Variants in HMGB1 observed in about 807,000 individuals in gnomAD.
The protein encoded by HMGB1 is high mobility group protein B1.
For synonymous variants in HMGB1, 81 were observed against 84.0 expected, an observed-to-expected ratio of 0.96 and a Z score of 0.19; for missense variants, 79 against 253.5, an observed-to-expected ratio of 0.31 and a Z score of 4.67.
At chr13:30,593,177 T>C (rs112174178) in intron 1 of HMGB1, among the ~76,000 whole-genome samples, 5 of 152,338 alleles carry the variant, frequency 3.3e-5, no homozygotes, top group African/African-American at 7.2e-5. Flanking sequence ...TTTCCCACTT[T>C]GGGCGGAAAG....
At chr13:30,528,130 C>T (rs1454124697) in intron 1 of HMGB1, among the ~76,000 whole-genome samples, 1 of 152,238 alleles carries the variant, frequency 6.6e-6, no homozygotes, top group Non-Finnish European at 1.5e-5. Flanking sequence ...TGCTGCAGCG[C>T]CAGTGACCAG....
chr13:30,557,693 A>G (rs986635316), intron 1 of HMGB1, among the ~76,000 whole-genome samples: 10 of 152,218 alleles, frequency 6.6e-5, no homozygotes, highest in African/African-American at 2.4e-4. Flanking sequence ...GCCGAGACAA[A>G]TGATTTCATT....
intron 1 of HMGB1, among the ~76,000 whole-genome samples, chr13:30,599,319 T>C (rs1043860981): frequency 2.6e-5 from 4 of 152,010 alleles, no homozygotes; most frequent in African/African-American, 9.7e-5. Context: ...AAATACAAAA[T>C]TAGCCATGTG....
intron 1 of HMGB1, among the ~76,000 whole-genome samples, chr13:30,508,350 A>G (rs112036172): frequency 0.084 from 12,737 of 151,952 alleles, 781 homozygotes; most frequent in African/African-American, 0.17. Flanking sequence ...CATCTCTAAT[A>G]AAAATACAAA....
At chr13:30,592,225 T>A (rs1871401679) in intron 1 of HMGB1, among the ~76,000 whole-genome samples, 1 of 152,194 alleles carries the variant, frequency 6.6e-6, no homozygotes, top group Non-Finnish European at 1.5e-5. Flanking sequence ...CTTGAATTTC[T>A]GTTATCTAGG....
Position 30,456,772 on chromosome 13 carries a change from G to GGGGGGGGGGGGGGGGCAATT in HMGB1, c.*4584_*4585insAATTGCCCCCCCCCCCCCCC, listed in dbSNP as rs58379734. ...CAGCTTTTGTGGGCGGGGGGGGGGG[G>GGGGGGGGGGGGGGGGCAATT]TGGTGGGGTGCAATTTATCAACATC... On this transcript the variant is annotated 3_prime_UTR_variant, in exon 5 of 5. Coordinates refer to ENST00000341423, the MANE Select transcript of HMGB1 (RefSeq NM_002128.7). The GGGGGGGGGGGGGGGGCAATT allele has an allele frequency of 1.2e-5, 1 of 80,542 alleles. No homozygotes were observed. The highest frequency in any genetic ancestry group is 2.5e-5 in the Non-Finnish European group (1 of 40,312). 5.0% of individuals were successfully genotyped at this position (80,542 alleles called of 1,614,324 possible).
chr13:30,588,218 G>C (rs189125255), intron 1 of HMGB1, among the ~76,000 whole-genome samples: 96 of 152,236 alleles, frequency 6.3e-4, no homozygotes, highest in Admixed American at 6.2e-3. Flanking sequence ...ATATTACATA[G>C]TAACACAGAA....
chr13:30,470,493 A>G (rs543909721), upstream of HMGB1, among the ~76,000 whole-genome samples: 4 of 152,322 alleles, frequency 2.6e-5, no homozygotes, highest in African/African-American at 9.6e-5. Context: ...TCAAATGTAG[A>G]GAAACACATA....
At chr13:30,485,661 C>T (rs971366125) in intron 1 of HMGB1, among the ~76,000 whole-genome samples, 5 of 152,028 alleles carry the variant, frequency 3.3e-5, no homozygotes, top group African/African-American at 4.8e-5. Context: ...AAAGGAAAAG[C>T]GGGAGCATGA....
chr13:30,474,946 C>CTTTT (rs1887040770), intron 1 of HMGB1, among the ~76,000 whole-genome samples: 10 of 39,334 alleles, frequency 2.5e-4, no homozygotes, highest in East Asian at 9.6e-4. Context: ...TTTTTTTTTT[C>CTTTT]TTTTCTTTTT....
intron 1 of HMGB1, among the ~76,000 whole-genome samples, chr13:30,567,008 G>A (rs1870213660): frequency 6.6e-6 from 1 of 152,176 alleles, no homozygotes; most frequent in African/African-American, 2.4e-5. Flanking sequence ...TCACTGCTTT[G>A]GTGGGGAGCT....
intron 1 of HMGB1, among the ~76,000 whole-genome samples, chr13:30,506,077 C>T (rs1403586822): frequency 6.6e-6 from 1 of 152,166 alleles, no homozygotes; most frequent in Non-Finnish European, 1.5e-5. Context: ...AAAGACTAAA[C>T]TGGCTGACCA....
upstream of HMGB1, among the ~76,000 whole-genome samples, chr13:30,469,556 T>C (rs1384717202): frequency 3.3e-5 from 4 of 120,516 alleles, 1 homozygote; most frequent in Non-Finnish European, 7.8e-5. Flanking sequence ...AGCCTTGACT[T>C]TCTGGGACTG....
intron 1 of HMGB1, among the ~76,000 whole-genome samples, chr13:30,611,041 T>G (rs1221948559): frequency 6.6e-6 from 1 of 152,258 alleles, no homozygotes; most frequent in East Asian, 1.9e-4. Flanking sequence ...GACCCTCAAT[T>G]TAGCTGTCAA....
In HMGB1 at chr13:30,462,714, T is replaced by TAA; in HGVS notation, c.297-4_297-3dup. 1.3e-6 allele frequency: 2 copies of TAA among 1,531,714 alleles called. No individual in the cohort carries two copies. The highest frequency in any genetic ancestry group is 1.8e-6 in the Non-Finnish European group (2 of 1,120,304). The allele number at this position is 1,531,714 out of a possible 1,614,324, so 94.9% of individuals were successfully genotyped here. A position where few individuals can be genotyped will look rare whatever the true frequency, so the allele number is the denominator to read the frequency against. On this transcript the variant is annotated splice_polypyrimidine_tract_variant and splice_region_variant and intron_variant, in intron 3 of 4. Transcript: ENST00000341423. ...GAGCAGAAGAGGAAGAAGGCCGAAC[T>TAA]AAAAAAAAAATTAATTTTAGGATTT... is the stretch of plus-strand genomic sequence containing the variant.
Position 30,559,822 on chromosome 13 carries a change from G to A in HMGB1, c.-15+56849C>T, listed in dbSNP as rs890009592. ...TCTACACTTGGAAACAGCAGATTGT[G>A]AAAGGGTATGTGACTGACAATTATT... On this transcript the variant is annotated intron_variant, in intron 1 of 4. Transcript: ENST00000405805. The surrounding 1 kb of genome is among the most constrained non-coding windows in gnomAD (Gnocchi z 6.6). Among the ~76,000 whole-genome samples the A allele has an allele frequency of 5.9e-5, 9 of 152,206 alleles. No individual in the cohort carries two copies. Among genetic ancestry groups the A allele is most frequent in the Non-Finnish European group, 7.3e-5 (5 of 68,040 alleles).
chr13:30,490,459 G>T (rs186766566), intron 1 of HMGB1, among the ~76,000 whole-genome samples: 1 of 152,026 alleles, frequency 6.6e-6, no homozygotes, highest in African/African-American at 2.4e-5. Flanking sequence ...GTCTCTAATA[G>T]AAATGCAAAA....
chr13:30,591,831 A>G (rs910865351), intron 1 of HMGB1, among the ~76,000 whole-genome samples: 3 of 152,172 alleles, frequency 2.0e-5, no homozygotes, highest in Non-Finnish European at 4.4e-5. Context: ...CTATATTAAC[A>G]ATATAGACAA....
intron 1 of HMGB1, among the ~76,000 whole-genome samples, chr13:30,470,974 T>TATTTAA (rs1886910021): frequency 8.6e-5 from 13 of 150,456 alleles, no homozygotes; most frequent in African/African-American, 2.7e-4. Flanking sequence ...TTTATTTATA[T>TATTTAA]TTAATTAATT....
Sources: allele counts gnomAD v4.1 joint callset (sites outside exome capture counted in the v4.1 genomes callset), GRCh38; gene constraint gnomAD v4.1.1; non-coding constraint Gnocchi (gnomAD v3.1); transcripts MANE v1.5; gene names NCBI Gene and HGNC (gene_info 2026-07-23, HGNC 2026-07-21).